LRRC7: variants seen among roughly 807,000 people sequenced by gnomAD.
The protein encoded by LRRC7 is leucine-rich repeat-containing protein 7.
Under a neutral mutation model 175.7 loss-of-function variants are expected in LRRC7, and 23 were observed. The ratio of observed to expected loss-of-function variants is 0.13; its 90% CI spans 0.09 to 0.19. The LOEUF (loss-of-function observed/expected upper bound fraction) is 0.19, where lower values mean the gene tolerates loss of function less well. Ranked by LOEUF, LRRC7 falls within the 10% of genes least tolerant of loss-of-function variation. The pLI is 1.00. For missense variants in LRRC7, 1,354 were observed against 1,904.7 expected, an observed-to-expected ratio of 0.71 and a Z score of 5.38; for synonymous variants, 685 against 680.9, an observed-to-expected ratio of 1.01 and a Z score of -0.09.
At chr1:69,863,846 C>T (rs1684621434) in intron 7 of LRRC7, among the ~76,000 whole-genome samples, 1 of 152,124 alleles carries the variant, frequency 6.6e-6, no homozygotes. Flanking sequence ...CACTTTCCAC[C>T]TTAAAAACCA....
chr1:70,054,135 T>G (rs1000003409), intron 23 of LRRC7, among the ~76,000 whole-genome samples: 1 of 152,084 alleles, frequency 6.6e-6, no homozygotes, highest in Non-Finnish European at 1.5e-5. Context: ...ACTAGAAAAA[T>G]TATCATACAT....
intron 2 of LRRC7, among the ~76,000 whole-genome samples, chr1:69,706,566 A>G (rs1664063631): frequency 6.6e-6 from 1 of 152,186 alleles, no homozygotes; most frequent in Non-Finnish European, 1.5e-5. Flanking sequence ...CATTCATCCT[A>G]TAATGTATTT....
intron 2 of LRRC7, among the ~76,000 whole-genome samples, chr1:69,734,679 G>A (rs1479645853): frequency 1.3e-5 from 2 of 151,788 alleles, no homozygotes; most frequent in South Asian, 2.1e-4. Flanking sequence ...TTTATGGGTA[G>A]AATTATTCTT....
chr1:69,717,293 C>T (rs925355726), intron 2 of LRRC7, among the ~76,000 whole-genome samples: 4 of 151,484 alleles, frequency 2.6e-5, no homozygotes, highest in East Asian at 1.9e-4. Context: ...GTTTCAATTG[C>T]TTAGCAGTAC....
intron 17 of LRRC7, among the ~76,000 whole-genome samples, chr1:70,024,883 T>C (rs1270735649): frequency 1.3e-5 from 2 of 152,190 alleles, no homozygotes; most frequent in Admixed American, 1.3e-4. Context: ...TGATAAATTA[T>C]AGTTTCATCT....
intron 10 of LRRC7, among the ~76,000 whole-genome samples, chr1:69,992,711 C>G (rs1177798080): frequency 6.6e-6 from 1 of 152,164 alleles, no homozygotes; most frequent in African/African-American, 2.4e-5. Flanking sequence ...TAAATTGCTT[C>G]AACCTTTAAA....
chr1:69,935,565 T>G (rs925208492), intron 8 of LRRC7, among the ~76,000 whole-genome samples: 2 of 152,180 alleles, frequency 1.3e-5, no homozygotes, highest in Non-Finnish European at 2.9e-5. Flanking sequence ...TGTCTATCCC[T>G]GATTTCTAAT....
intron 7 of LRRC7, among the ~76,000 whole-genome samples, chr1:69,924,965 A>G (rs950042579): frequency 2.6e-5 from 4 of 152,118 alleles, no homozygotes; most frequent in African/African-American, 9.7e-5. Context: ...TTATTTTGAG[A>G]TACATCCCAT....
intron 3 of LRRC7, among the ~76,000 whole-genome samples, chr1:69,776,537 A>G (rs978079305): frequency 3.3e-5 from 5 of 152,236 alleles, no homozygotes; most frequent in African/African-American, 9.6e-5. Context: ...GCATAGAGGC[A>G]ATTTGTTGTT....
intron 1 of LRRC7, among the ~76,000 whole-genome samples, chr1:69,579,753 T>C (rs912777230): frequency 6.6e-6 from 1 of 151,880 alleles, no homozygotes; most frequent in African/African-American, 2.4e-5. Flanking sequence ...GCCATAGCCA[T>C]ATGACTTGCT....
At chr1:69,811,857 C>T (rs1382229243) in intron 4 of LRRC7, among the ~76,000 whole-genome samples, 2 of 152,040 alleles carry the variant, frequency 1.3e-5, no homozygotes, top group African/African-American at 2.4e-5. Context: ...CACCATGGCA[C>T]GTGTATACCT....
At chr1:69,918,164 C>A (rs565407421) in intron 7 of LRRC7, among the ~76,000 whole-genome samples, 68 of 152,136 alleles carry the variant, frequency 4.5e-4, no homozygotes, top group Non-Finnish European at 4.9e-4. Context: ...CCCTTCAGAG[C>A]AGAGGCTGTG....
intron 2 of LRRC7, among the ~76,000 whole-genome samples, chr1:69,709,262 A>T (rs1463857581): frequency 6.6e-6 from 1 of 152,248 alleles, no homozygotes; most frequent in African/African-American, 2.4e-5. Flanking sequence ...ATTTGTAGCT[A>T]TGCCAACTGG....
intron 11 of LRRC7, among the ~76,000 whole-genome samples, chr1:70,006,277 T>C (rs770716192): frequency 9.2e-5 from 14 of 152,098 alleles, no homozygotes; most frequent in Non-Finnish European, 1.9e-4. Flanking sequence ...AATGTTTTTT[T>C]AATACAGGAA....
rs6143269 is a variant in LRRC7 at position 69,718,101 on chromosome 1, AAGAG to A, written c.100+39627_100+39630del. 8.2e-3 allele frequency among the ~76,000 whole-genome samples: 849 copies of A among 103,770 alleles called. 23 individuals carry two copies. In the East Asian group the frequency reaches 0.099, roughly 12 times the overall value. The allele number at this position is 103,770 out of a possible 152,430, so 68.1% of individuals were successfully genotyped here. ...AAGAGAGAGAAAAAGAAAGAGAAGA[AAGAG>A]AGAAAAAGAAAGAAAGAAAGAAAAG... On this transcript the variant is annotated intron_variant, in intron 2 of 26. Coordinates refer to ENST00000651989, the MANE Select transcript of LRRC7 (RefSeq NM_001370785.2).
rs1667189841 is a variant in LRRC7, at chr1:70,143,862, T to C, written c.*21975T>C. On this transcript the variant is annotated 3_prime_UTR_variant, in exon 27 of 27. Coordinates refer to ENST00000651989, the MANE Select transcript of LRRC7 (RefSeq NM_001370785.2). ...AAAAAATTGTCATTTTTGTATGTGTTAAAAAGACTACTATATCACAATTAA... is the reference window on the plus strand; with the variant it reads ...AAAAAATTGTCATTTTTGTATGTGTCAAAAAGACTACTATATCACAATTAA... 6.6e-6 allele frequency: 1 copy of C among 152,130 alleles called. No individual in the cohort carries two copies. The highest frequency in any genetic ancestry group is 6.5e-5 in the Admixed American group (1 of 15,272). 9.4% of individuals were successfully genotyped at this position (152,130 alleles called of 1,614,324 possible).
intron 8 of LRRC7, among the ~76,000 whole-genome samples, chr1:69,960,197 C>G (rs1240293225): frequency 6.6e-6 from 1 of 152,028 alleles, no homozygotes; most frequent in Non-Finnish European, 1.5e-5. Flanking sequence ...CAATTTCTTC[C>G]TGGTTCAGTC....
At chr1:69,995,431 T>C (rs1235314858) in intron 11 of LRRC7, among the ~76,000 whole-genome samples, 1 of 151,990 alleles carries the variant, frequency 6.6e-6, no homozygotes, top group Non-Finnish European at 1.5e-5. Context: ...ACTTTAAGTT[T>C]TAGGGTACAT....
chr1:69,769,205 G>A (rs1032001144), intron 3 of LRRC7, among the ~76,000 whole-genome samples: 1 of 152,164 alleles, frequency 6.6e-6, no homozygotes, highest in Admixed American at 6.5e-5. Context: ...TGTGACTTCA[G>A]ACATATTGTT....
Sources: allele counts gnomAD v4.1 joint callset (sites outside exome capture counted in the v4.1 genomes callset), GRCh38; gene constraint gnomAD v4.1.1; transcripts MANE v1.5; gene names NCBI Gene and HGNC (gene_info 2026-07-23, HGNC 2026-07-21).